SLC71A2: variants seen among roughly 807,000 people sequenced by gnomAD.
SLC71A2 encodes the protein hippocampus abundant transcript-like 1.
the SLC71A2 span, chr9:94,451,396 ATAT>A: frequency 1.2e-6 from 1 of 839,844 alleles, no homozygotes; most frequent in Non-Finnish European, 1.8e-6. Context: ...ATAGAACATA[ATAT>A]TTCTTATTAT....
the SLC71A2 span, among the ~76,000 whole-genome samples, chr9:94,421,476 T>C: frequency 6.6e-6 from 1 of 152,218 alleles, no homozygotes. Context: ...CTGGCTTTTT[T>C]GGCTTAGTAC....
At chr9:94,456,258 G>A in the SLC71A2 span, 1 of 1,614,056 alleles carries the variant, frequency 6.2e-7, no homozygotes, top group Non-Finnish European at 8.5e-7. Flanking sequence ...GGGCAGCAGG[G>A]ACCGTGGCTG....
At chr9:94,409,518 C>T in the SLC71A2 span, among the ~76,000 whole-genome samples, 5 of 151,994 alleles carry the variant, frequency 3.3e-5, no homozygotes, top group African/African-American at 4.8e-5. Flanking sequence ...TCTTTCTTTC[C>T]TTGCTTTGAG....
the SLC71A2 span, among the ~76,000 whole-genome samples, chr9:94,399,112 C>T: frequency 4.6e-5 from 7 of 152,178 alleles, no homozygotes; most frequent in African/African-American, 4.8e-5. Context: ...CCATCGTGCC[C>T]GGCCGGCTCT....
At chr9:94,431,936 C>T in the SLC71A2 span, among the ~76,000 whole-genome samples, 1 of 152,206 alleles carries the variant, frequency 6.6e-6, no homozygotes, top group Non-Finnish European at 1.5e-5. Context: ...ACTTTTTAAA[C>T]AGCATTGGCA....
At chr9:94,381,471 T>C in the SLC71A2 span, among the ~76,000 whole-genome samples, 1 of 152,220 alleles carries the variant, frequency 6.6e-6, no homozygotes, top group African/African-American at 2.4e-5. Context: ...TTCATTCTTT[T>C]TAATTACTGA....
chr9:94,441,025 G>C, the SLC71A2 span: 2 of 1,611,316 alleles, frequency 1.2e-6, no homozygotes, highest in Non-Finnish European at 1.7e-6. Flanking sequence ...AGTCTTCTCG[G>C]TCACGTTTTC....
chr9:94,397,197 A>G, the SLC71A2 span, among the ~76,000 whole-genome samples: 10 of 152,222 alleles, frequency 6.6e-5, 1 homozygote, highest in Non-Finnish European at 1.3e-4. Context: ...ATCCACAGAA[A>G]AATTGCAGAT....
chr9:94,388,360 C>T, the SLC71A2 span, among the ~76,000 whole-genome samples: 2 of 152,030 alleles, frequency 1.3e-5, no homozygotes, highest in Non-Finnish European at 2.9e-5. Context: ...AGTTAATGTA[C>T]ACTAAAAAAA....
the SLC71A2 span, among the ~76,000 whole-genome samples, chr9:94,382,863 A>C: frequency 6.6e-6 from 1 of 151,742 alleles, no homozygotes; most frequent in Non-Finnish European, 1.5e-5. Context: ...TTTTTAGTAG[A>C]GTTGCAGTTT....
At chr9:94,454,081 C>T in the SLC71A2 span, 3 of 1,578,858 alleles carry the variant, frequency 1.9e-6, no homozygotes, top group African/African-American at 2.7e-5. Context: ...GTAAGCCTCA[C>T]TCTTAGATTC....
the SLC71A2 span, among the ~76,000 whole-genome samples, chr9:94,436,248 AC>A: frequency 6.6e-6 from 1 of 152,178 alleles, no homozygotes; most frequent in Non-Finnish European, 1.5e-5. Flanking sequence ...AGAGATTTAA[AC>A]TAGTTGCATG....
At chr9:94,422,434 G>T in the SLC71A2 span, among the ~76,000 whole-genome samples, 1 of 152,140 alleles carries the variant, frequency 6.6e-6, no homozygotes, top group East Asian at 1.9e-4. Context: ...GGACATTTGG[G>T]TTTCTGGTTT....
the SLC71A2 span, among the ~76,000 whole-genome samples, chr9:94,422,130 C>T: frequency 3.3e-5 from 5 of 152,306 alleles, no homozygotes; most frequent in Admixed American, 2.6e-4. Flanking sequence ...GTGATTCACC[C>T]GCTTCGGACT....
the SLC71A2 span, among the ~76,000 whole-genome samples, chr9:94,447,175 TA>T: frequency 1.3e-5 from 2 of 150,562 alleles, no homozygotes; most frequent in Non-Finnish European, 2.9e-5. Flanking sequence ...AGCAGAAACA[TA>T]ATTTATCTTT....
At chr9:94,384,894 CAGTG>C in the SLC71A2 span, among the ~76,000 whole-genome samples, 1 of 151,896 alleles carries the variant, frequency 6.6e-6, no homozygotes, top group Admixed American at 6.6e-5. Flanking sequence ...TGGATTAATG[CAGTG>C]AGTTTTGTTA....
the SLC71A2 span, chr9:94,432,650 G>A: frequency 9.9e-6 from 2 of 201,488 alleles, no homozygotes; most frequent in Non-Finnish European, 2.1e-5. Flanking sequence ...GGATGCACAT[G>A]AGGGGTGCAA....
At chr9:94,460,158 A>G in the SLC71A2 span, 2 of 152,534 alleles carry the variant, frequency 1.3e-5, no homozygotes, top group East Asian at 3.9e-4. Context: ...TTTACAGAAG[A>G]AAAAAACAAC....
the SLC71A2 span, chr9:94,445,003 G>A: frequency 6.2e-7 from 1 of 1,614,124 alleles, no homozygotes; most frequent in Non-Finnish European, 8.5e-7. Flanking sequence ...CAGCAGCCCG[G>A]CCATTGGAGC....
Sources: gnomAD v4.1 joint callset for allele counts (sites outside exome capture counted in the v4.1 genomes callset) on GRCh38, gnomAD v4.1.1 for gene constraint, MANE v1.5 for transcripts, NCBI Gene and HGNC (gene_info 2026-07-23, HGNC 2026-07-21) for gene names.